The following CGNL1 variants were observed in gnomAD, a reference collection of about 807,000 sequenced individuals.
The protein encoded by CGNL1 is cingulin like 1.
Under a neutral mutation model 141.2 loss-of-function variants are expected in CGNL1, and 132 were observed. The ratio of observed to expected loss-of-function variants is 0.93; its 90% CI spans 0.81 to 1.08. CGNL1 has a LOEUF of 1.08. Among genes scored for constraint, CGNL1 ranks in the 50% least tolerant of loss-of-function variants. The probability of loss-of-function intolerance (pLI) is 0.00; values close to 1 mark genes in which losing one functional copy is unlikely to be tolerated. For synonymous variants in CGNL1, 690 were observed against 622.1 expected, an observed-to-expected ratio of 1.11 and a Z score of -1.63; for missense variants, 1,870 against 1,588.6, an observed-to-expected ratio of 1.18 and a Z score of -3.01.
At chr15:57,511,039 T>C (rs10851617) in intron 8 of CGNL1, among the ~76,000 whole-genome samples, 25,289 of 152,124 alleles carry the variant, frequency 0.17, 2,528 homozygotes, top group East Asian at 0.47. Context: ...CTGTGACCAT[T>C]GATGGTCAGT....
At chr15:57,397,612 A>T (rs914616334) in intron 1 of CGNL1, among the ~76,000 whole-genome samples, 1 of 152,162 alleles carries the variant, frequency 6.6e-6, no homozygotes, top group African/African-American at 2.4e-5. Context: ...AACCCCCACT[A>T]TCATTTTATT....
In CGNL1 at chr15:57,545,707, AG is replaced by A; in HGVS notation, c.3609+8del. ...GACTGATCAGAAGGACCAGGTGGGG[AG>A]CCTCTGCGTGCATTTGCTCTTAGAT... On this transcript the variant is annotated splice_region_variant and intron_variant, in intron 17 of 18. Coordinates refer to ENST00000281282, the MANE Select transcript of CGNL1 (RefSeq NM_032866.5). The A allele has an allele frequency of 6.2e-7, 1 of 1,605,836 alleles. No homozygotes were observed. Among genetic ancestry groups the A allele is most frequent in the South Asian group, 1.1e-5 (1 of 89,800 alleles).
Position 57,530,962 on chromosome 15 carries a change from G to C in CGNL1, c.3202-728G>C, listed in dbSNP as rs114846509. On this transcript the variant is annotated intron_variant, in intron 13 of 18. Coordinates refer to ENST00000281282, the MANE Select transcript of CGNL1 (RefSeq NM_032866.5). ...GTTTACTTAGACCTATGACAGATTGGCTGGTGACAGGAGAAACACGTGCTC... is the reference window on the plus strand; with the variant it reads ...GTTTACTTAGACCTATGACAGATTGCCTGGTGACAGGAGAAACACGTGCTC... Among the ~76,000 whole-genome samples the C allele has an allele frequency of 3.0e-3, 463 of 152,302 alleles. 6 individuals are homozygous for C. The highest frequency in any genetic ancestry group is 0.011 in the African/African-American group (445 of 41,556).
chr15:57,507,539 T>G (rs2064119707), intron 8 of CGNL1, among the ~76,000 whole-genome samples: 1 of 152,236 alleles, frequency 6.6e-6, no homozygotes. Flanking sequence ...TGAATATGAT[T>G]AAAAGGGAGT....
At chr15:57,412,529 G>T (rs2062801365) in intron 1 of CGNL1, among the ~76,000 whole-genome samples, 1 of 152,170 alleles carries the variant, frequency 6.6e-6, no homozygotes, top group Admixed American at 6.5e-5. Context: ...GGCTGATGCG[G>T]GACTCCTTTC....
At chr15:57,423,447 TA>T (rs11336529) in intron 1 of CGNL1, among the ~76,000 whole-genome samples, 150,187 of 152,104 alleles carry the variant, frequency 0.99, 74,171 homozygotes, top group Middle Eastern at 1. Flanking sequence ...GCCTTTTTTT[TA>T]ACGTTAATTT....
intron 1 of CGNL1, among the ~76,000 whole-genome samples, chr15:57,422,470 A>T (rs1288386624): frequency 6.6e-6 from 1 of 152,186 alleles, no homozygotes; most frequent in Non-Finnish European, 1.5e-5. Context: ...AAGACATTTA[A>T]ATACTCTTCT....
At chr15:57,422,142 G>A (rs1413572520) in intron 1 of CGNL1, among the ~76,000 whole-genome samples, 1 of 151,738 alleles carries the variant, frequency 6.6e-6, no homozygotes, top group South Asian at 2.1e-4. Context: ...AACCCTGCCA[G>A]AGGGTAATTT....
chr15:57,491,258 A>G (rs1223595003), intron 8 of CGNL1, among the ~76,000 whole-genome samples: 1 of 152,224 alleles, frequency 6.6e-6, no homozygotes, highest in Non-Finnish European at 1.5e-5. Context: ...CAGTTTTTCT[A>G]TAATCTAAAG....
At chr15:57,394,803 A>G (rs16977460) in intron 1 of CGNL1, among the ~76,000 whole-genome samples, 1 of 152,144 alleles carries the variant, frequency 6.6e-6, no homozygotes, top group Non-Finnish European at 1.5e-5. Context: ...TACTTTACAC[A>G]GTAAGCACGT....
intron 1 of CGNL1, among the ~76,000 whole-genome samples, chr15:57,426,072 C>A (rs2062969862): frequency 2.0e-5 from 3 of 152,152 alleles, no homozygotes; most frequent in Non-Finnish European, 4.4e-5. Context: ...AGGCCCTCCT[C>A]CTTTCTTCTG....
intron 8 of CGNL1, among the ~76,000 whole-genome samples, chr15:57,499,968 G>A (rs2063998835): frequency 6.6e-6 from 1 of 152,162 alleles, no homozygotes; most frequent in Non-Finnish European, 1.5e-5. Context: ...TGGGCTCTGA[G>A]CTGTGTCATG....
rs184391530 is a variant in CGNL1 at position 57,499,640 on chromosome 15, A to G, written c.2404-17140A>G. On this transcript the variant is annotated intron_variant, in intron 8 of 18. Transcript: ENST00000281282. ...GGACTCGACCACAAGAATTTTCCAC[A>G]GTGTGACCGGGCCGCAAATCTTTTT... Among the ~76,000 whole-genome samples the G allele has an allele frequency of 1.5e-4, 23 of 152,326 alleles. No homozygotes were observed. In the East Asian group the frequency reaches 4.2e-3, roughly 28 times the overall value.
intron 10 of CGNL1, among the ~76,000 whole-genome samples, chr15:57,519,353 A>G (rs1402073351): frequency 4.6e-5 from 7 of 152,166 alleles, no homozygotes; most frequent in Admixed American, 3.3e-4. Flanking sequence ...TGGGGGCATT[A>G]AAAGTGTTAA....
chr15:57,527,851 T>C (rs2031709541), intron 12 of CGNL1, among the ~76,000 whole-genome samples: 1 of 152,228 alleles, frequency 6.6e-6, no homozygotes, highest in Non-Finnish European at 1.5e-5. Context: ...TTTCACTGAG[T>C]TGAAACCTCT....
At chr15:57,535,866 A>C (rs559685940) in intron 14 of CGNL1, among the ~76,000 whole-genome samples, 14 of 152,210 alleles carry the variant, frequency 9.2e-5, no homozygotes, top group African/African-American at 1.7e-4. Flanking sequence ...AAGGCTGTGT[A>C]AGATGGTGTA....
intron 8 of CGNL1, among the ~76,000 whole-genome samples, chr15:57,463,628 T>C (rs1480433934): frequency 3.3e-5 from 5 of 152,224 alleles, no homozygotes; most frequent in Admixed American, 3.3e-4. Flanking sequence ...CCAGCAACTT[T>C]CCTTACAAAA....
rs571024076 is a variant in CGNL1 at position 57,536,817 on chromosome 15, G to A, written c.3291+5038G>A. 5.8e-4 allele frequency among the ~76,000 whole-genome samples: 88 copies of A among 152,326 alleles called. No homozygotes were observed. The Middle Eastern group carries it at 0.02, about 35-fold the overall frequency. Reference sequence around the variant, plus strand: ...CTACATAGGGTCACACAGTTTGTAGGAGGTGGAGTCACAGTTTGACTCCAA... The same window carrying A: ...CTACATAGGGTCACACAGTTTGTAGAAGGTGGAGTCACAGTTTGACTCCAA... On this transcript the variant is annotated intron_variant, in intron 14 of 18. Transcript: ENST00000281282.
chr15:57,435,230 A>T (rs1511952), intron 1 of CGNL1, among the ~76,000 whole-genome samples: 4,699 of 152,216 alleles, frequency 0.031, 231 homozygotes, highest in East Asian at 0.13. Context: ...TTATATTGTC[A>T]TAATAATGTA....
Sources: gnomAD v4.1 joint callset for allele counts (sites outside exome capture counted in the v4.1 genomes callset) on GRCh38, gnomAD v4.1.1 for gene constraint, MANE v1.5 for transcripts, NCBI Gene and HGNC (gene_info 2026-07-23, HGNC 2026-07-21) for gene names.